NPC1: variants seen among roughly 807,000 people sequenced by gnomAD.
NPC1 encodes the protein NPC intracellular cholesterol transporter 1.
NPC1 carries 85 observed loss-of-function variants against 140.4 expected under a neutral mutation model. The observed-to-expected ratio is 0.61, with a 90% confidence interval of 0.51 to 0.72. The LOEUF (loss-of-function observed/expected upper bound fraction) is 0.72. Ranked by LOEUF, NPC1 falls within the 30% of genes least tolerant of loss-of-function variation. The probability of loss-of-function intolerance (pLI) is 0.00; values close to 1 mark genes in which losing one functional copy is unlikely to be tolerated. For missense variants in NPC1, 1,504 were observed against 1,623.8 expected (o/e 0.93, Z 1.27); for synonymous variants, 656 against 624.8 (o/e 1.05, Z -0.74).
At chr18:23,524,401 C>G, downstream of NPC1, 1 of 1,612,708 alleles carries the variant, frequency 6.2e-7, no homozygotes, top group South Asian at 1.1e-5. Flanking sequence ...TCATCTTTTC[C>G]TGGTTTAGAA....
intron 22 of NPC1, among the ~76,000 whole-genome samples, chr18:23,534,858 ACTT>A (rs891427707): frequency 1.3e-5 from 2 of 152,152 alleles, no homozygotes; most frequent in African/African-American, 4.8e-5. Context: ...CATTGTCACA[ACTT>A]CTTTTCTTGG....
chr18:23,584,585 C>G (rs2059393282), intron 1 of NPC1, among the ~76,000 whole-genome samples: 2 of 152,082 alleles, frequency 1.3e-5, no homozygotes, highest in African/African-American at 4.8e-5. Context: ...TAATGTGAAG[C>G]CTGGCTGGGC....
intron 10 of NPC1, among the ~76,000 whole-genome samples, chr18:23,550,479 C>CTTT (rs68163205): frequency 0.013 from 994 of 74,844 alleles, 177 homozygotes; most frequent in Non-Finnish European, 0.017. Flanking sequence ...TCTTACATTT[C>CTTT]TTTTTTTTTT....
exon 2 of NPC1, chr18:23,522,746 AG>A (rs1567926978): frequency 6.6e-6 from 1 of 152,334 alleles, no homozygotes; most frequent in Non-Finnish European, 1.5e-5. Flanking sequence ...GAATCCACTG[AG>A]GGTCTGGGGA....
Position 23,557,106 on chromosome 18 carries a change from A to G in NPC1, c.955+11T>C. ...ATCTGAACCCTTTTATTCATGGACA[A>G]ATATGCCTACCTTTGTCACTTGCAT... On this transcript the variant is annotated intron_variant, in intron 7 of 24. Coordinates refer to ENST00000269228, the MANE Select transcript of NPC1 (RefSeq NM_000271.5). The G allele has an allele frequency of 6.2e-7, 1 of 1,606,328 alleles. No homozygotes were observed. The highest frequency in any genetic ancestry group is 8.5e-7 in the Non-Finnish European group (1 of 1,173,060).
chr18:23,551,954 G>A (rs2058879062), intron 9 of NPC1, among the ~76,000 whole-genome samples: 2 of 152,342 alleles, frequency 1.3e-5, no homozygotes, highest in South Asian at 2.1e-4. Flanking sequence ...GGCACATGGT[G>A]CATGGCGCTA....
intron 5 of NPC1, 96 bp from the exon 6 acceptor site, chr18:23,560,576 T>TA: frequency 8.1e-7 from 1 of 1,238,450 alleles, no homozygotes; most frequent in Non-Finnish European, 1.2e-6. Context: ...CTGAAATACA[T>TA]AAAACAACTG....
At chr18:23,567,997 G>A (rs1188670209) in intron 4 of NPC1, among the ~76,000 whole-genome samples, 1 of 152,072 alleles carries the variant, frequency 6.6e-6, no homozygotes, top group East Asian at 1.9e-4. Flanking sequence ...TTCCTCTCCT[G>A]TCTAGAAATC....
intron 3 of NPC1, chr18:23,515,873 G>T: frequency 6.2e-7 from 1 of 1,614,128 alleles, no homozygotes; most frequent in Non-Finnish European, 8.5e-7. Flanking sequence ...CAGAGAAACG[G>T]AGTCTGAAAC....
intron 4 of NPC1, among the ~76,000 whole-genome samples, chr18:23,568,141 T>TTC (rs1357604617): frequency 1.4e-4 from 21 of 152,202 alleles, no homozygotes; most frequent in Non-Finnish European, 2.2e-4. Flanking sequence ...AGCCCACCTT[T>TTC]TCTCTCAATG....
At position 23,532,030 on chromosome 18, in the gene NPC1, C is replaced by T; in HGVS notation, c.*172G>A. ...CCTCCAGATCTAGTAATACTGCTTC[C>T]CAAGTCAACTGTGCATTCCTGAGTT... On this transcript the variant is annotated 3_prime_UTR_variant, in exon 25 of 25. Coordinates refer to ENST00000269228, the MANE Select transcript of NPC1 (RefSeq NM_000271.5). 1 of 1,539,048 alleles carries T rather than the reference C, an allele frequency of 6.5e-7. No homozygotes were observed. Among genetic ancestry groups the T allele is most frequent in the Non-Finnish European group, 8.7e-7 (1 of 1,144,910 alleles).
rs1393388896 is a variant in NPC1, at chr18:23,543,529, A to G, written c.2171T>C (p.Leu724Pro). 2 of 1,610,720 alleles carry G rather than the reference A, an allele frequency of 1.2e-6. No individual in the cohort carries two copies. The highest frequency in any genetic ancestry group is 1.7e-6 in the Non-Finnish European group (2 of 1,178,274). The change falls in exon 14 of 25, where the codon CTG (leucine) becomes CCG (proline). Residue 724 changes from leucine (L) to proline (P), a missense_variant. Transcript: ENST00000269228. ...AGCCACTTCTCCTAGGACCCTGCCC[A>G]GCTGCTGATCCAGGGTTTCCCCTTG... is the stretch of plus-strand genomic sequence containing the variant. ...RLQGETLDQQ[L>P]GRVLGEVAPS...
chr18:23,582,729 C>T (rs866849449), intron 1 of NPC1, among the ~76,000 whole-genome samples: 19 of 150,988 alleles, frequency 1.3e-4, no homozygotes, highest in African/African-American at 4.6e-4. Context: ...CACCTGAGCC[C>T]GGGAGGTCGA....
chr18:23,533,965 C>A, intron 23 of NPC1: 1 of 314,056 alleles, frequency 3.2e-6, no homozygotes. Context: ...ATCGTGTCTC[C>A]CAATTGATTA....
downstream of NPC1, among the ~76,000 whole-genome samples, chr18:23,531,093 C>T (rs763713038): frequency 1.3e-5 from 2 of 151,958 alleles, no homozygotes; most frequent in African/African-American, 4.8e-5. Context: ...TGGGTTCAAG[C>T]GATTCTTCTG....
intron 1 of NPC1, among the ~76,000 whole-genome samples, chr18:23,575,130 GAGC>G (rs2059256009): frequency 6.6e-6 from 1 of 152,202 alleles, no homozygotes; most frequent in Non-Finnish European, 1.5e-5. Context: ...TTACCCACAG[GAGC>G]AGGAGTGACA....
At position 23,586,474 on chromosome 18, in the gene NPC1, C is replaced by T. The variant is rs1288173969; in HGVS notation, c.-131G>A. On this transcript the variant is annotated 5_prime_UTR_variant, in exon 1 of 25. Transcript: ENST00000269228. ...CGGAGGAGCAGGAGCAGGCGCTGAC[C>T]GCGGCAGCAGGCTGCGCGCGCCGGT... The T allele has an allele frequency of 2.1e-6, 3 of 1,452,494 alleles. No individual in the cohort carries two copies. Among genetic ancestry groups the T allele is most frequent in the Non-Finnish European group, 2.7e-6 (3 of 1,109,262 alleles). 90.0% of individuals were successfully genotyped at this position (1,452,494 alleles called of 1,614,324 possible). A position where few individuals can be genotyped will look rare whatever the true frequency, so the allele number is the denominator to read the frequency against.
At position 23,556,643 on chromosome 18, in the gene NPC1, G is replaced by A. The variant is rs369916983; in HGVS notation, c.956-30C>T. The A allele has an allele frequency of 3.2e-5, 51 of 1,612,464 alleles. No individual in the cohort carries two copies. In the African/African-American group the frequency reaches 4.9e-4, roughly 16 times the overall value. On this transcript the variant is annotated intron_variant, in intron 7 of 24. Transcript: ENST00000269228. ...AAGAACGGGAGAGGAAGGGAAGGTGGAGGTTAAGAGCCAAGCCGTTCCTGA... is the reference window on the plus strand; with the variant it reads ...AAGAACGGGAGAGGAAGGGAAGGTGAAGGTTAAGAGCCAAGCCGTTCCTGA...
Position 23,533,430 on chromosome 18 carries a change from T to G in NPC1, c.3679A>C (p.Arg1227=), listed in dbSNP as rs772924731. The change falls in exon 24 of 25, where the codon AGG becomes CGG. Residue 1227 remains arginine (R), a synonymous_variant. Transcript: ENST00000269228. The part of the protein sequence containing the change: ...KSQIFQIFYF[R]MYLAMVLLGA... ...AGTAAGACCATGGCCAAATACATCC[T>G]GAAGTAGAATATCTGGAAAATTTGA... The G allele has an allele frequency of 6.2e-7, 1 of 1,614,136 alleles. No individual in the cohort carries two copies. Among genetic ancestry groups the G allele is most frequent in the Admixed American group, 1.7e-5 (1 of 60,030 alleles).
Sources: allele counts gnomAD v4.1 joint callset (sites outside exome capture counted in the v4.1 genomes callset), GRCh38; gene constraint gnomAD v4.1.1; transcripts MANE v1.5; gene names NCBI Gene and HGNC (gene_info 2026-07-23, HGNC 2026-07-21).